The following RBFOX1 variants were observed in gnomAD, a reference collection of about 807,000 sequenced individuals.
RBFOX1 encodes the protein RNA binding fox-1 homolog 1.
Under a neutral mutation model 57.7 loss-of-function variants are expected in RBFOX1, and 8 were observed. The ratio of observed to expected loss-of-function variants is 0.14; its 90% confidence interval spans 0.08 to 0.25. The LOEUF (loss-of-function observed/expected upper bound fraction) is 0.25, where lower values mean the gene tolerates loss of function less well. Ranked by LOEUF, RBFOX1 falls within the 10% of genes least tolerant of loss-of-function variation. The pLI, the probability that RBFOX1 is intolerant of heterozygous loss-of-function variation, is 1.00. For synonymous variants in RBFOX1, 326 were observed against 222.4 expected (o/e 1.47, Z -4.15); for missense variants, 611 against 548.5 (o/e 1.11, Z -1.14).
At chr16:6,244,300 T>C (rs946146080) in intron 1 of RBFOX1, among the ~76,000 whole-genome samples, 1 of 152,006 alleles carries the variant, frequency 6.6e-6, no homozygotes, top group South Asian at 2.1e-4. Context: ...TGTTTGGCGG[T>C]CAAGGCCTTT....
chr16:6,810,099 C>T (rs150692071), intron 3 of RBFOX1, among the ~76,000 whole-genome samples: 21 of 150,570 alleles, frequency 1.4e-4, no homozygotes, highest in Middle Eastern at 3.4e-3. Flanking sequence ...AAACTGGTAT[C>T]TATCTTTTCT....
At chr16:6,488,500 C>G (rs2095555385) in intron 2 of RBFOX1, among the ~76,000 whole-genome samples, 1 of 152,136 alleles carries the variant, frequency 6.6e-6, no homozygotes, top group African/African-American at 2.4e-5. Context: ...TCTTACAACT[C>G]TGCAAGGTAG....
chr16:7,083,233 A>G (rs778960685), intron 4 of RBFOX1, among the ~76,000 whole-genome samples: 6 of 152,094 alleles, frequency 3.9e-5, no homozygotes, highest in Admixed American at 3.9e-4. Flanking sequence ...TCTGGACTCC[A>G]GAGTACAGGG....
At chr16:7,616,474 G>A (rs1417098843) in intron 10 of RBFOX1, among the ~76,000 whole-genome samples, 1 of 152,234 alleles carries the variant, frequency 6.6e-6, no homozygotes, top group Non-Finnish European at 1.5e-5. Flanking sequence ...ATGGAGGTGT[G>A]AGGAACAGGA....
chr16:5,704,922 C>A (rs1451873907), intron 3 of RBFOX1, among the ~76,000 whole-genome samples: 1 of 152,126 alleles, frequency 6.6e-6, no homozygotes, highest in Non-Finnish European at 1.5e-5. Context: ...TACCCTCCTT[C>A]AACCAAAAAG....
chr16:7,563,255 C>G (rs1052479959), intron 5 of RBFOX1, among the ~76,000 whole-genome samples: 1 of 152,122 alleles, frequency 6.6e-6, no homozygotes, highest in African/African-American at 2.4e-5. Flanking sequence ...AATCATGGTC[C>G]ATCCTAAGCA....
chr16:6,535,949 A>C (rs1055750066), intron 2 of RBFOX1, among the ~76,000 whole-genome samples: 1 of 152,154 alleles, frequency 6.6e-6, no homozygotes, highest in Non-Finnish European at 1.5e-5. Flanking sequence ...ACTTTGACCC[A>C]CTAAGATGCC....
At chr16:6,552,732 A>G (rs1453281921) in intron 2 of RBFOX1, among the ~76,000 whole-genome samples, 1 of 152,112 alleles carries the variant, frequency 6.6e-6, no homozygotes, top group Admixed American at 6.5e-5. Context: ...ATGTGTGTAC[A>G]TTTTATACCA....
intron 2 of RBFOX1, among the ~76,000 whole-genome samples, chr16:6,377,963 G>A (rs1022293051): frequency 1.3e-5 from 2 of 152,130 alleles, no homozygotes; most frequent in African/African-American, 2.4e-5. Context: ...CCTGTGTCCT[G>A]TCACCAATCC....
chr16:7,062,271 T>A (rs1263321358), intron 4 of RBFOX1, among the ~76,000 whole-genome samples: 4 of 123,084 alleles, frequency 3.2e-5, no homozygotes, highest in Admixed American at 1.1e-4. Flanking sequence ...TGAGCCGAGA[T>A]CATGCCACTG....
intron 4 of RBFOX1, among the ~76,000 whole-genome samples, chr16:7,404,028 C>CTTTTATATTATTTTA (rs2098291243): frequency 7.7e-6 from 1 of 129,964 alleles, no homozygotes; most frequent in African/African-American, 2.9e-5. Context: ...ATTTCATTTC[C>CTTTTATATTATTTTA]TTTTATTTTA....
chr16:6,710,235 C>G (rs527852619), intron 3 of RBFOX1, among the ~76,000 whole-genome samples: 2 of 152,250 alleles, frequency 1.3e-5, no homozygotes, highest in Admixed American at 6.5e-5. Flanking sequence ...CTTAACTTCT[C>G]AAAGCCAAAT....
chr16:7,172,034 T>G lies in RBFOX1; in HGVS notation c.27+119936T>G, dbSNP rs964230608. ...GAGAGGCTGATTTTTGCTTCCAGTT[T>G]TGTCACAATTCACATGATATTGGGC... On this transcript the variant is annotated intron_variant, in intron 4 of 15. Transcript: ENST00000550418. 1.3e-4 allele frequency among the ~76,000 whole-genome samples: 20 copies of G among 151,756 alleles called. 1 individual carries two copies. Among genetic ancestry groups the G allele is most frequent in the African/African-American group, 3.6e-4 (15 of 41,184 alleles).
chr16:6,432,517 CAA>C (rs71145230), intron 2 of RBFOX1, among the ~76,000 whole-genome samples: 29 of 116,656 alleles, frequency 2.5e-4, no homozygotes, highest in African/African-American at 5.8e-4. Flanking sequence ...ACTAAAAATA[CAA>C]AAAAAAAAAA....
At chr16:6,630,804 G>C (rs139306225) in intron 2 of RBFOX1, among the ~76,000 whole-genome samples, 175 of 152,268 alleles carry the variant, frequency 1.1e-3, no homozygotes, top group African/African-American at 4.1e-3. Flanking sequence ...CGACCTGCTC[G>C]TTACAGGAGT....
At chr16:6,718,544 G>A (rs1179314875) in intron 3 of RBFOX1, among the ~76,000 whole-genome samples, 2 of 152,182 alleles carry the variant, frequency 1.3e-5, no homozygotes. Context: ...GCATTTTCGT[G>A]GAGACCTGAC....
intron 4 of RBFOX1, among the ~76,000 whole-genome samples, chr16:5,871,991 C>T (rs751757222): frequency 3.9e-5 from 6 of 152,104 alleles, no homozygotes; most frequent in Non-Finnish European, 7.4e-5. Flanking sequence ...TCCCTCCTAC[C>T]ATTATTTTTT....
At chr16:6,532,685 C>G (rs967091665) in intron 2 of RBFOX1, among the ~76,000 whole-genome samples, 1 of 152,162 alleles carries the variant, frequency 6.6e-6, no homozygotes, top group African/African-American at 2.4e-5. Context: ...CACTTTTCTG[C>G]TCTGGATTCC....
Position 5,944,790 on chromosome 16 carries a change from T to TAAAAAAA in RBFOX1, c.351+77468_351+77474dup, listed in dbSNP as rs60749168. On this transcript the variant is annotated intron_variant, in intron 4 of 19. Coordinates refer to the RBFOX1 transcript ENST00000641259. ...CAACTTGGTGAAACCCTGTCTCTGC[T>TAAAAAAA]AAAAAAAAAAAAAAAAAAATTAGCT... is the stretch of plus-strand genomic sequence containing the variant. Among the ~76,000 whole-genome samples the TAAAAAAA allele has an allele frequency of 9.9e-4, 41 of 41,256 alleles. 6 individuals are homozygous for TAAAAAAA. Among genetic ancestry groups the TAAAAAAA allele is most frequent in the African/African-American group, 1.2e-3 (12 of 9,746 alleles). The allele number at this position is 41,256 out of a possible 152,430, so 27.1% of individuals were successfully genotyped here.
Sources: gnomAD v4.1 joint callset for allele counts (sites outside exome capture counted in the v4.1 genomes callset) on GRCh38, gnomAD v4.1.1 for gene constraint, MANE v1.5 for transcripts, NCBI Gene and HGNC (gene_info 2026-07-23, HGNC 2026-07-21) for gene names.